Variants in OSBPL1A observed in about 807,000 individuals in gnomAD.
The protein encoded by OSBPL1A is oxysterol binding protein like 1A.
Under a neutral mutation model 137.1 loss-of-function variants are expected in OSBPL1A, and 80 were observed. The ratio of observed to expected loss-of-function variants is 0.58; its 90% CI spans 0.49 to 0.70. The LOEUF is 0.70. Ranked by LOEUF, OSBPL1A falls within the 30% of genes least tolerant of loss-of-function variation. The pLI is 0.00. For synonymous variants in OSBPL1A, 365 were observed against 389.7 expected (o/e 0.94, Z 0.75); for missense variants, 970 against 1,129.4 (o/e 0.86, Z 2.02).
At chr18:24,348,050 G>A (rs1275249546) in intron 4 of OSBPL1A, among the ~76,000 whole-genome samples, 1 of 151,950 alleles carries the variant, frequency 6.6e-6, no homozygotes, top group Non-Finnish European at 1.5e-5. Context: ...TAAAAACTCA[G>A]CTACCAAAAG....
intron 7 of OSBPL1A, among the ~76,000 whole-genome samples, chr18:24,327,815 A>G (rs554716604): frequency 6.6e-6 from 1 of 152,302 alleles, no homozygotes; most frequent in South Asian, 2.1e-4. Context: ...AGTATAAACT[A>G]TAGAGTAAAT....
chr18:24,270,019 G>C (rs936320992), intron 15 of OSBPL1A, among the ~76,000 whole-genome samples: 1 of 152,028 alleles, frequency 6.6e-6, no homozygotes, highest in African/African-American at 2.4e-5. Context: ...TTAATTTGTA[G>C]CTATATCTCT....
chr18:24,342,250 TTACTC>T (rs2091284775), intron 4 of OSBPL1A, among the ~76,000 whole-genome samples: 1 of 152,212 alleles, frequency 6.6e-6, no homozygotes, highest in Non-Finnish European at 1.5e-5. Flanking sequence ...ATATTTTTAT[TTACTC>T]TAAGTGGCTA....
intron 17 of OSBPL1A, 85 bp from the exon 18 acceptor site, chr18:24,196,285 T>A: frequency 9.9e-6 from 9 of 905,906 alleles, no homozygotes; most frequent in East Asian, 2.5e-5. Flanking sequence ...ACATGAGAGC[T>A]GCAGGCACAG....
Position 24,301,065 on chromosome 18 carries a change from C to G in OSBPL1A, c.1174+2572G>C, listed in dbSNP as rs2090391174. On this transcript the variant is annotated intron_variant, in intron 14 of 27. Coordinates refer to ENST00000319481, the MANE Select transcript of OSBPL1A (RefSeq NM_080597.4). ...CTGTACAAACCCTTGACAGTAAGGGCAGGCTCAATTACATTCAACTCTCCA... is the reference window on the plus strand; with the variant it reads ...CTGTACAAACCCTTGACAGTAAGGGGAGGCTCAATTACATTCAACTCTCCA... Among the ~76,000 whole-genome samples, 3 of 152,244 alleles carry G rather than the reference C, an allele frequency of 2.0e-5. 1 individual carries two copies. The South Asian group carries it at 6.2e-4, about 31-fold the overall frequency.
chr18:24,363,746 A>T (rs1455242451), intron 4 of OSBPL1A, among the ~76,000 whole-genome samples: 1 of 151,566 alleles, frequency 6.6e-6, no homozygotes, highest in African/African-American at 2.4e-5. Flanking sequence ...GGCTCAAGTG[A>T]TCCTCCAACC....
chr18:24,395,516 C>T (rs1025232087), intron 1 of OSBPL1A, among the ~76,000 whole-genome samples: 1 of 152,114 alleles, frequency 6.6e-6, no homozygotes, highest in Non-Finnish European at 1.5e-5. Context: ...CGGCATTGTG[C>T]CATGTTATTA....
intron 18 of OSBPL1A, among the ~76,000 whole-genome samples, chr18:24,182,607 G>GA (rs1372903640): frequency 2.0e-5 from 3 of 152,026 alleles, no homozygotes; most frequent in Non-Finnish European, 4.4e-5. Context: ...CGCAATCAAA[G>GA]AAAATAAGCT....
chr18:24,207,192 T>G (rs1208649205), intron 17 of OSBPL1A, among the ~76,000 whole-genome samples: 1 of 152,200 alleles, frequency 6.6e-6, no homozygotes, highest in Non-Finnish European at 1.5e-5. Context: ...CAAGCGATTC[T>G]CCTGCCTCAG....
intron 1 of OSBPL1A, among the ~76,000 whole-genome samples, chr18:24,380,716 C>A (rs945922295): frequency 6.6e-6 from 1 of 152,216 alleles, no homozygotes; most frequent in Non-Finnish European, 1.5e-5. Flanking sequence ...CTTTGGGAGA[C>A]TGAGGCGGGT....
intron 14 of OSBPL1A, among the ~76,000 whole-genome samples, chr18:24,296,886 G>A (rs1468963491): frequency 6.6e-6 from 1 of 152,126 alleles, no homozygotes; most frequent in Non-Finnish European, 1.5e-5. Context: ...CTGATATGCT[G>A]TTGGATTCAA....
At chr18:24,171,686 A>T (rs990454862) in intron 22 of OSBPL1A, among the ~76,000 whole-genome samples, 188 bp from the exon 23 acceptor site, 2 of 152,196 alleles carry the variant, frequency 1.3e-5, no homozygotes, top group Non-Finnish European at 1.5e-5. Context: ...AAGGTATGTG[A>T]GGGGCAGAAA....
At chr18:24,236,681 C>T (rs2088487952) in intron 16 of OSBPL1A, among the ~76,000 whole-genome samples, 1 of 152,176 alleles carries the variant, frequency 6.6e-6, no homozygotes, top group Admixed American at 6.5e-5. Context: ...CTTCCTATAG[C>T]CATGGCAGGA....
At chr18:24,261,083 T>TATTG (rs1272741062) in intron 15 of OSBPL1A, among the ~76,000 whole-genome samples, 1 of 152,188 alleles carries the variant, frequency 6.6e-6, no homozygotes, top group African/African-American at 2.4e-5. Flanking sequence ...AGGAGTTAAC[T>TATTG]ATTGATACAT....
intron 4 of OSBPL1A, among the ~76,000 whole-genome samples, chr18:24,347,226 G>C (rs1339214550): frequency 1.3e-5 from 2 of 152,100 alleles, no homozygotes; most frequent in Non-Finnish European, 2.9e-5. Context: ...ACCCAGGCTG[G>C]AGTGCTGTGG....
At chr18:24,314,129 A>T (rs979326760) in intron 12 of OSBPL1A, 120 bp downstream of exon 12, 13 of 588,590 alleles carry the variant, frequency 2.2e-5, no homozygotes, top group African/African-American at 3.8e-5. Context: ...ATAAAAATTT[A>T]AAAAAATTAA....
chr18:24,267,018 G>T (rs1404279235), intron 15 of OSBPL1A, among the ~76,000 whole-genome samples: 2 of 151,650 alleles, frequency 1.3e-5, no homozygotes, highest in Admixed American at 1.3e-4. Flanking sequence ...ATCAAAAAAA[G>T]CTTTAATGAG....
At chr18:24,341,243 G>A (rs565281323) in intron 5 of OSBPL1A, among the ~76,000 whole-genome samples, 47 of 152,166 alleles carry the variant, frequency 3.1e-4, no homozygotes, top group Non-Finnish European at 3.8e-4. Context: ...CTAACCTCAA[G>A]TGATCCTCTT....
intron 14 of OSBPL1A, among the ~76,000 whole-genome samples, chr18:24,303,350 AAGC>A (rs2090439763): frequency 6.6e-6 from 1 of 152,182 alleles, no homozygotes; most frequent in Admixed American, 6.5e-5. Context: ...TGGGATTCAT[AAGC>A]AGAATTCTCA....
Sources: gnomAD v4.1 joint callset for allele counts (sites outside exome capture counted in the v4.1 genomes callset) on GRCh38, gnomAD v4.1.1 for gene constraint, MANE v1.5 for transcripts, NCBI Gene and HGNC (gene_info 2026-07-23, HGNC 2026-07-21) for gene names.